The following LAMA2 variants were observed in gnomAD, a reference collection of about 807,000 sequenced individuals.
LAMA2 encodes laminin subunit alpha 2.
LAMA2 carries 269 observed loss-of-function variants against 364.8 expected under a neutral mutation model. The ratio of observed to expected loss-of-function variants is 0.74; its 90% CI spans 0.67 to 0.82. LAMA2 has a LOEUF of 0.82. Among genes scored for constraint, LAMA2 ranks in the 40% least tolerant of loss-of-function variants. The pLI is 0.00. For missense variants in LAMA2, 3,807 were observed against 3,873.2 expected, an observed-to-expected ratio of 0.98 and a Z score of 0.45; for synonymous variants, 1,379 against 1,370.6, an observed-to-expected ratio of 1.01 and a Z score of -0.14.
At position 129,305,266 on chromosome 6, in the gene LAMA2, G is replaced by A. The variant is rs991340247; in HGVS notation, c.3174+4394G>A. Among the ~76,000 whole-genome samples the A allele has an allele frequency of 2.0e-5, 3 of 150,760 alleles. No homozygotes were observed. In the South Asian group the frequency reaches 6.2e-4, roughly 31 times the overall value. On this transcript the variant is annotated intron_variant, in intron 22 of 64. Transcript: ENST00000421865. ...CTTTCTTTTTAATGGTGTTTGTGTG[G>A]TATATATTTTTCACACCATCATCTA...
chr6:129,291,128 T>C (rs1994620), intron 19 of LAMA2, among the ~76,000 whole-genome samples: 104,321 of 152,016 alleles, frequency 0.69, 36,808 homozygotes, highest in Non-Finnish European at 0.77. Context: ...TTCCTCAAAA[T>C]TATTTTAGTT....
rs573865449 is a variant in LAMA2, at chr6:129,418,611, G to C, written c.5866-9141G>C. Among the ~76,000 whole-genome samples the C allele has an allele frequency of 4.7e-4, 72 of 151,828 alleles. 2 individuals carry two copies. In the South Asian group the frequency reaches 0.014, roughly 29 times the overall value. ...ATGTCATATAGGATTTTTTTTTATTGATCAGAATTAGGTTCAAGTTGTGTT... is the reference window on the plus strand; with the variant it reads ...ATGTCATATAGGATTTTTTTTTATTCATCAGAATTAGGTTCAAGTTGTGTT... On this transcript the variant is annotated intron_variant, in intron 40 of 64. Transcript: ENST00000421865.
intron 10 of LAMA2, among the ~76,000 whole-genome samples, chr6:129,181,088 G>A (rs1780898835): frequency 6.6e-6 from 1 of 152,096 alleles, no homozygotes; most frequent in African/African-American, 2.4e-5. Context: ...TTACTACCTT[G>A]TGTAGGACCG....
chr6:129,299,703 C>T (rs957925657), intron 21 of LAMA2, among the ~76,000 whole-genome samples: 5 of 152,148 alleles, frequency 3.3e-5, no homozygotes, highest in East Asian at 1.9e-4. Flanking sequence ...ACCAAAACAG[C>T]AATGACTAAC....
chr6:129,074,230 C>T (rs1281200288), intron 3 of LAMA2, among the ~76,000 whole-genome samples: 5 of 152,186 alleles, frequency 3.3e-5, no homozygotes, highest in Non-Finnish European at 7.3e-5. Context: ...CTCATGAGTT[C>T]ATTTTTGCAT....
intron 22 of LAMA2, among the ~76,000 whole-genome samples, chr6:129,303,559 CT>C (rs767380269): frequency 2.4e-4 from 36 of 152,080 alleles, no homozygotes; most frequent in Non-Finnish European, 4.6e-4. Context: ...CCTGTAGGTG[CT>C]TTTTATTGTT....
chr6:129,225,251 T>G (rs1784168618), intron 12 of LAMA2, among the ~76,000 whole-genome samples: 1 of 152,218 alleles, frequency 6.6e-6, no homozygotes, highest in East Asian at 1.9e-4. Context: ...TTGCTAGCAG[T>G]CTATCAATTT....
chr6:128,909,317 C>T (rs937590438), intron 1 of LAMA2, among the ~76,000 whole-genome samples: 5 of 151,982 alleles, frequency 3.3e-5, no homozygotes, highest in Non-Finnish European at 5.9e-5. Flanking sequence ...AATCTGGGTG[C>T]TCCTGTGTTG....
intron 1 of LAMA2, among the ~76,000 whole-genome samples, chr6:128,982,758 C>T (rs1782968968): frequency 1.9e-5 from 2 of 103,018 alleles, no homozygotes; most frequent in South Asian, 8.7e-4. Context: ...CCTCCCCCCT[C>T]CCCCCACCCC....
chr6:129,474,743 G>T (rs1301129363), intron 52 of LAMA2, among the ~76,000 whole-genome samples: 3 of 152,068 alleles, frequency 2.0e-5, no homozygotes, highest in Non-Finnish European at 4.4e-5. Flanking sequence ...ATCTATAAAG[G>T]TGTGCCTGTT....
At chr6:129,431,156 C>A (rs1781569758) in intron 41 of LAMA2, among the ~76,000 whole-genome samples, 1 of 151,934 alleles carries the variant, frequency 6.6e-6, no homozygotes, top group Non-Finnish European at 1.5e-5. Context: ...CCTAACACTT[C>A]GGGAGACCGA....
chr6:129,279,526 C>T (rs1413188180), intron 17 of LAMA2, among the ~76,000 whole-genome samples: 1 of 152,122 alleles, frequency 6.6e-6, no homozygotes, highest in Non-Finnish European at 1.5e-5. Context: ...TGAAAGCTTT[C>T]CTGAGGATTC....
intron 13 of LAMA2, among the ~76,000 whole-genome samples, chr6:129,250,919 A>C (rs181688342): frequency 2.0e-5 from 3 of 152,000 alleles, no homozygotes; most frequent in Non-Finnish European, 2.9e-5. Context: ...ACTTTCATGC[A>C]TGTGAATCTA....
chr6:129,175,377 A>G (rs531979888), intron 9 of LAMA2, among the ~76,000 whole-genome samples: 1 of 152,344 alleles, frequency 6.6e-6, no homozygotes, highest in South Asian at 2.1e-4. Flanking sequence ...TACTAACTGA[A>G]TTAACCCCTG....
chr6:129,445,613 G>A, intron 44 of LAMA2, 54 bp from the exon 45 acceptor site: 1 of 1,442,496 alleles, frequency 6.9e-7, no homozygotes, highest in Admixed American at 1.7e-5. Flanking sequence ...TTCTAATTCT[G>A]TGTGTGCACG....
intron 1 of LAMA2, among the ~76,000 whole-genome samples, chr6:129,019,454 T>C (rs576837637): frequency 6.6e-6 from 1 of 151,928 alleles, no homozygotes; most frequent in East Asian, 1.9e-4. Context: ...ATTTTCAGTA[T>C]TTTTTTGTTT....
Position 129,257,754 on chromosome 6 carries a change from A to G in LAMA2, c.2097-2957A>G, listed in dbSNP as rs374095410. Among the ~76,000 whole-genome samples, 3 of 152,256 alleles carry G rather than the reference A, an allele frequency of 2.0e-5. No homozygotes were observed. The East Asian group carries it at 5.8e-4, about 29-fold the overall frequency. ...TAATTCCAGGCAGTTAGATTTCACAATACATTCAGGCGAGTTCTGGTCTCT... is the reference window on the plus strand; with the variant it reads ...TAATTCCAGGCAGTTAGATTTCACAGTACATTCAGGCGAGTTCTGGTCTCT... On this transcript the variant is annotated intron_variant, in intron 14 of 64. Coordinates refer to ENST00000421865, the MANE Select transcript of LAMA2 (RefSeq NM_000426.4).
intron 1 of LAMA2, among the ~76,000 whole-genome samples, chr6:129,025,448 G>C (rs1342638902): frequency 6.6e-6 from 1 of 152,056 alleles, no homozygotes; most frequent in Non-Finnish European, 1.5e-5. Context: ...GCGTGAGAAT[G>C]GTTATTGCTC....
At chr6:129,087,709 G>C (rs907629576) in intron 3 of LAMA2, among the ~76,000 whole-genome samples, 1 of 151,984 alleles carries the variant, frequency 6.6e-6, no homozygotes, top group Non-Finnish European at 1.5e-5. Context: ...ACTCCTGAGA[G>C]TGATTGTAAT....
Sources: gnomAD v4.1 joint callset for allele counts (sites outside exome capture counted in the v4.1 genomes callset) on GRCh38, gnomAD v4.1.1 for gene constraint, MANE v1.5 for transcripts, NCBI Gene and HGNC (gene_info 2026-07-23, HGNC 2026-07-21) for gene names.